The following SYNE2 variants were observed in gnomAD, a reference collection of about 807,000 sequenced individuals.
SYNE2 encodes the protein nesprin-2.
Under a neutral mutation model 856.3 loss-of-function variants are expected in SYNE2, and 431 were observed. That is an observed-to-expected ratio of 0.50 (90% CI 0.47 to 0.55). The LOEUF is 0.55. SYNE2 is among the 20% of genes least tolerant of loss of function. SYNE2 has a pLI of 0.00. For missense variants in SYNE2, 8,129 were observed against 8,023.2 expected, an observed-to-expected ratio of 1.01 and a Z score of -0.50; for synonymous variants, 2,923 against 2,872.3, an observed-to-expected ratio of 1.02 and a Z score of -0.56.
intron 10 of SYNE2, among the ~76,000 whole-genome samples, chr14:63,965,841 C>T (rs957927233): frequency 9.9e-5 from 15 of 152,152 alleles, no homozygotes; most frequent in Admixed American, 8.5e-4. Context: ...GACCTTCTTC[C>T]CTTAGCTCTG....
chr14:63,963,851 A>G (rs771080148), intron 9 of SYNE2, 48 bp from the exon 10 acceptor site: 5 of 1,433,056 alleles, frequency 3.5e-6, no homozygotes, highest in Non-Finnish European at 4.9e-6. Flanking sequence ...TGTTAAAAAA[A>G]CCAAGCCCGT....
chr14:63,827,637 A>AAAAAAC (rs1889492759), intron 1 of SYNE2, among the ~76,000 whole-genome samples: 1 of 131,402 alleles, frequency 7.6e-6, no homozygotes, highest in Non-Finnish European at 1.7e-5. Context: ...AAAAAAAAAA[A>AAAAAAC]AAAAAAAAAA....
At chr14:64,129,730 A>T in intron 74 of SYNE2, 52 bp from the exon 75 acceptor site, 1 of 1,611,644 alleles carries the variant, frequency 6.2e-7, no homozygotes, top group Non-Finnish European at 8.5e-7. Context: ...AACTATGTGT[A>T]CTTCTCTGAC....
At chr14:63,938,634 AATAGTGGTAC>A (rs1235533761) in intron 2 of SYNE2, among the ~76,000 whole-genome samples, 1 of 152,056 alleles carries the variant, frequency 6.6e-6, no homozygotes, top group African/African-American at 2.4e-5. Flanking sequence ...GGAGGGAGGA[AATAGTGGTAC>A]GAGGGCTGCA....
chr14:63,935,291 G>A lies in SYNE2; in HGVS notation c.80-5323G>A, dbSNP rs573808041. Among the ~76,000 whole-genome samples the A allele has an allele frequency of 1.1e-3, 172 of 152,268 alleles. 1 individual carries two copies. The highest frequency in any genetic ancestry group is 2.1e-3 in the Non-Finnish European group (140 of 68,024). On this transcript the variant is annotated intron_variant, in intron 2 of 115. Coordinates refer to ENST00000555002, the MANE Select transcript of SYNE2 (RefSeq NM_182914.3). The stretch of plus-strand genomic sequence containing the variant: ...TGAGCACCCTATAAAGTGTATATCA[G>A]TAGTCTATAACTAATTTAAACTGGT...
In SYNE2 at chr14:64,196,741, A is replaced by G. The variant is rs1202874361; in HGVS notation, c.18039-6060A>G. ...ACTTCATAAATAACCCATAGCCAAG[A>G]TAACAGTGTGACTTTCTTCCCCCAG... On this transcript the variant is annotated intron_variant, in intron 99 of 115. Coordinates refer to ENST00000555002, the MANE Select transcript of SYNE2 (RefSeq NM_182914.3). 3.3e-5 allele frequency: 5 copies of G among 152,268 alleles called. No individual in the cohort carries two copies. In the East Asian group the frequency reaches 9.6e-4, roughly 29 times the overall value. 9.4% of individuals were successfully genotyped at this position (152,268 alleles called of 1,614,324 possible). A position where few individuals can be genotyped will look rare whatever the true frequency, so the allele number is the denominator to read the frequency against.
At position 64,000,685 on chromosome 14, in the gene SYNE2, A is replaced by C. The variant is rs756461506; in HGVS notation, c.3604A>C (p.Arg1202=). 5.0e-6 allele frequency: 8 copies of C among 1,613,164 alleles called. No individual in the cohort carries two copies. Among genetic ancestry groups the C allele is most frequent in the African/African-American group, 1.3e-5 (1 of 74,926 alleles). The change falls in exon 28 of 116, where the codon AGA becomes CGA. Residue 1202 remains arginine, a synonymous_variant. Coordinates refer to ENST00000555002, the MANE Select transcript of SYNE2 (RefSeq NM_182914.3). ...VIKERDTLKE[R]ERELQMTLNT... ...TAAGGAAAGAGACACACTAAAGGAA[A>C]GAGAAAGAGAGCTTCAGATGACTCT... is the stretch of plus-strand genomic sequence containing the variant.
At chr14:63,875,594 A>G (rs1397692082) in intron 1 of SYNE2, among the ~76,000 whole-genome samples, 1 of 152,108 alleles carries the variant, frequency 6.6e-6, no homozygotes, top group Non-Finnish European at 1.5e-5. Flanking sequence ...TTTATGGGAC[A>G]CTGAGCAAGG....
At chr14:63,859,398 T>C (rs1000257019) in intron 1 of SYNE2, among the ~76,000 whole-genome samples, 16 of 152,256 alleles carry the variant, frequency 1.1e-4, no homozygotes, top group Non-Finnish European at 2.4e-4. Context: ...CCTTAGGTCA[T>C]TGATTTGTGA....
At chr14:64,029,622 C>T (rs1012015477) in intron 43 of SYNE2, among the ~76,000 whole-genome samples, 1 of 152,078 alleles carries the variant, frequency 6.6e-6, no homozygotes, top group African/African-American at 2.4e-5. Context: ...TTATAAACAT[C>T]TTGACAAATA....
chr14:63,996,315 C>A (rs2096713660), intron 23 of SYNE2, among the ~76,000 whole-genome samples: 1 of 152,198 alleles, frequency 6.6e-6, no homozygotes, highest in South Asian at 2.1e-4. Flanking sequence ...GTTCTTTTCT[C>A]AGAATGATGA....
At chr14:64,078,445 G>A (rs2097488389) in intron 54 of SYNE2, 21 bp from the exon 55 acceptor site, 1 of 1,612,974 alleles carries the variant, frequency 6.2e-7, no homozygotes, top group Non-Finnish European at 8.5e-7. Flanking sequence ...TAAGCCAAAT[G>A]CGTCTTTGTC....
chr14:64,134,010 G>T (rs938545361), intron 77 of SYNE2, 59 bp from the exon 78 acceptor site: 1 of 1,595,286 alleles, frequency 6.3e-7, no homozygotes, highest in Non-Finnish European at 8.6e-7. Flanking sequence ...TAATTATGTT[G>T]TTATCTGGAA....
Position 64,031,071 on chromosome 14 carries a change from T to C in SYNE2, c.6935T>C (p.Leu2312Ser). ...GGCACATTAAAGAAGATTTTAGCTT[T>C]AGCAAAATCCGTCAAGCAAAATACA... ...QDGTLKKILA[L>S]AKSVKQNTSS... Residue 2312 changes from leucine (L) to serine (S), a missense_variant, in exon 45 of 116, where the codon TTA (leucine) becomes TCA (serine). Leu to Ser is a moderately radical substitution (Grantham distance 145). This residue lies in a region of SYNE2 where 297 missense variants were observed against 380.9 expected (regional missense o/e 0.78). Transcript: ENST00000555002. The C allele has an allele frequency of 6.2e-7, 1 of 1,614,070 alleles. No individual in the cohort carries two copies. The highest frequency in any genetic ancestry group is 8.5e-7 in the Non-Finnish European group (1 of 1,180,006).
intron 59 of SYNE2, 51 bp from the exon 60 acceptor site, chr14:64,090,815 A>G: frequency 1.4e-6 from 2 of 1,480,440 alleles, no homozygotes; most frequent in Non-Finnish European, 1.9e-6. Context: ...TAAATTTAAC[A>G]GTGGCCATTG....
At chr14:63,912,565 C>T (rs528671526) in intron 2 of SYNE2, among the ~76,000 whole-genome samples, 1 of 152,206 alleles carries the variant, frequency 6.6e-6, no homozygotes, top group East Asian at 1.9e-4. Context: ...TTTTATTTTT[C>T]TTTGTTTCAG....
At chr14:64,176,166 T>C (rs1366068318) in intron 95 of SYNE2, among the ~76,000 whole-genome samples, 1 of 152,218 alleles carries the variant, frequency 6.6e-6, no homozygotes, top group Non-Finnish European at 1.5e-5. Context: ...TTGTATAGTT[T>C]TAGTAACTTC....
chr14:63,867,461 G>A (rs1895693163), intron 1 of SYNE2, among the ~76,000 whole-genome samples: 1 of 151,870 alleles, frequency 6.6e-6, no homozygotes, highest in Non-Finnish European at 1.5e-5. Context: ...ACTTTGGGAG[G>A]CCGAGGCAGC....
intron 1 of SYNE2, among the ~76,000 whole-genome samples, chr14:63,856,615 A>G (rs1891804178): frequency 6.6e-6 from 1 of 152,226 alleles, no homozygotes; most frequent in Non-Finnish European, 1.5e-5. Context: ...AATATTAAAT[A>G]CAATAGCCTA....
Sources: gnomAD v4.1 joint callset for allele counts (sites outside exome capture counted in the v4.1 genomes callset) on GRCh38, gnomAD v4.1.1 for gene constraint, gnomAD v4.1.1 regional missense constraint, MANE v1.5 for transcripts, NCBI Gene and HGNC (gene_info 2026-07-23, HGNC 2026-07-21) for gene names.